PCDH9: variants seen among roughly 807,000 people sequenced by gnomAD.
PCDH9 encodes the protein protocadherin 9.
In PCDH9, 24 loss-of-function variants were observed where a neutral mutation model predicts 70.6. The observed-to-expected ratio is 0.34, with a 90% confidence interval of 0.25 to 0.48. The LOEUF (loss-of-function observed/expected upper bound fraction) is 0.48. PCDH9 is among the 20% of genes least tolerant of loss of function. The probability of loss-of-function intolerance (pLI) is 0.99; values close to 1 mark genes in which losing one functional copy is unlikely to be tolerated. For synonymous variants in PCDH9, 562 were observed against 558.5 expected, an observed-to-expected ratio of 1.01 and a Z score of -0.09; for missense variants, 1,281 against 1,503.6, an observed-to-expected ratio of 0.85 and a Z score of 2.45.
chr13:66,971,247 C>T (rs1012291279), intron 2 of PCDH9, among the ~76,000 whole-genome samples: 2 of 151,970 alleles, frequency 1.3e-5, no homozygotes, highest in Non-Finnish European at 2.9e-5. Context: ...AAAGGATACA[C>T]GATTGTGTTA....
chr13:66,762,277 G>C (rs1231670995), intron 3 of PCDH9, among the ~76,000 whole-genome samples: 1 of 152,076 alleles, frequency 6.6e-6, no homozygotes, highest in East Asian at 1.9e-4. Context: ...GCACTTGGCT[G>C]GTGATGATGC....
At chr13:66,555,407 C>T (rs1375515080) in intron 4 of PCDH9, among the ~76,000 whole-genome samples, 1 of 86,332 alleles carries the variant, frequency 1.2e-5, no homozygotes, top group Non-Finnish European at 2.5e-5. Flanking sequence ...TGAATAGTGG[C>T]TACATTCTGG....
At chr13:66,613,580 G>C (rs1421464136) in intron 4 of PCDH9, among the ~76,000 whole-genome samples, 1 of 152,086 alleles carries the variant, frequency 6.6e-6, no homozygotes, top group Admixed American at 6.5e-5. Flanking sequence ...TTACACTCTG[G>C]GGCCATGGCC....
At chr13:66,560,879 G>C (rs9571599) in intron 4 of PCDH9, among the ~76,000 whole-genome samples, 2 of 152,148 alleles carry the variant, frequency 1.3e-5, no homozygotes, top group African/African-American at 4.8e-5. Context: ...GTCATATAAA[G>C]GACTGAGAGG....
chr13:66,744,907 A>T (rs1349104757), intron 3 of PCDH9, among the ~76,000 whole-genome samples: 9 of 152,160 alleles, frequency 5.9e-5, no homozygotes, highest in African/African-American at 2.2e-4. Flanking sequence ...TCTCAGAGAG[A>T]AAAGTTTTTA....
At chr13:67,219,557 A>G (rs1162698249) in intron 2 of PCDH9, 1 of 152,008 alleles carries the variant, frequency 6.6e-6, no homozygotes, top group African/African-American at 2.4e-5. Context: ...ATTACTTACG[A>G]AAGAGTCTGA....
chr13:66,515,703 C>T (rs1256930881), intron 4 of PCDH9, among the ~76,000 whole-genome samples: 1 of 151,820 alleles, frequency 6.6e-6, no homozygotes, highest in Non-Finnish European at 1.5e-5. Context: ...AAAAACAGAA[C>T]ATACAATTTA....
intron 4 of PCDH9, among the ~76,000 whole-genome samples, chr13:66,570,049 C>T (rs751889508): frequency 6.6e-6 from 1 of 152,092 alleles, no homozygotes. Context: ...CAAAGAACTG[C>T]TATTACCATG....
intron 2 of PCDH9, among the ~76,000 whole-genome samples, chr13:67,074,091 C>CTAT (rs1161820775): frequency 5.3e-5 from 8 of 150,882 alleles, no homozygotes; most frequent in African/African-American, 2.4e-5. Flanking sequence ...ATCTATCTGT[C>CTAT]TGTCTATTAT....
intron 3 of PCDH9, among the ~76,000 whole-genome samples, chr13:66,651,206 A>T (rs528572052): frequency 6.6e-6 from 1 of 151,970 alleles, no homozygotes; most frequent in East Asian, 1.9e-4. Context: ...AAATGAAAAA[A>T]AGTACAATTG....
intron 4 of PCDH9, among the ~76,000 whole-genome samples, chr13:66,507,991 G>C (rs187676586): frequency 6.6e-6 from 1 of 152,114 alleles, no homozygotes. Flanking sequence ...AAAATGCTGG[G>C]ATTACAGGCG....
At chr13:67,129,397 CGT>C (rs906698466) in intron 2 of PCDH9, among the ~76,000 whole-genome samples, 138 of 151,930 alleles carry the variant, frequency 9.1e-4, no homozygotes, top group African/African-American at 3.2e-3. Context: ...ATAAAAAATA[CGT>C]GTGTGTGTGT....
intron 4 of PCDH9, among the ~76,000 whole-genome samples, chr13:66,445,601 CACATATATATTATATAT>C: frequency 7.2e-6 from 1 of 139,616 alleles, no homozygotes; most frequent in East Asian, 2.0e-4. Context: ...ATATTATATA[CACATATATATTATATAT>C]ACACATATAT....
intron 3 of PCDH9, among the ~76,000 whole-genome samples, chr13:66,720,326 GTTTT>G (rs66600272): frequency 3.0e-5 from 4 of 132,030 alleles, no homozygotes; most frequent in Non-Finnish European, 3.2e-5. Flanking sequence ...TTGCTTTTTT[GTTTT>G]TTTTTTTTTT....
intron 2 of PCDH9, among the ~76,000 whole-genome samples, chr13:67,061,089 T>G (rs972806959): frequency 6.6e-6 from 1 of 152,096 alleles, no homozygotes; most frequent in African/African-American, 2.4e-5. Flanking sequence ...TGATGTCAGA[T>G]GAAATATGGA....
At chr13:66,582,412 C>A (rs1251732111) in intron 4 of PCDH9, among the ~76,000 whole-genome samples, 3 of 152,040 alleles carry the variant, frequency 2.0e-5, no homozygotes, top group African/African-American at 7.2e-5. Context: ...GCAGGAGGAC[C>A]AATTGAGGTC....
chr13:66,990,219 G>C (rs1028980692), intron 2 of PCDH9, among the ~76,000 whole-genome samples: 1 of 151,610 alleles, frequency 6.6e-6, no homozygotes, highest in Admixed American at 6.6e-5. Context: ...TTTATATCTT[G>C]AGTGCTAAAC....
At chr13:66,772,953 A>G (rs1156385527) in intron 3 of PCDH9, among the ~76,000 whole-genome samples, 1 of 152,146 alleles carries the variant, frequency 6.6e-6, no homozygotes, top group African/African-American at 2.4e-5. Context: ...AGTCATTTAA[A>G]TTTCGTTGAC....
intron 3 of PCDH9, among the ~76,000 whole-genome samples, chr13:66,640,064 T>A (rs1013477481): frequency 1.3e-5 from 2 of 152,178 alleles, no homozygotes; most frequent in African/African-American, 4.8e-5. Context: ...GAAAGTAAGT[T>A]ACCCTTACCA....
Sources: gnomAD v4.1 joint callset for allele counts (sites outside exome capture counted in the v4.1 genomes callset) on GRCh38, gnomAD v4.1.1 for gene constraint, MANE v1.5 for transcripts, NCBI Gene and HGNC (gene_info 2026-07-23, HGNC 2026-07-21) for gene names.